Variants in ZNF532 observed in about 807,000 individuals in gnomAD.
ZNF532 encodes zinc finger protein 532.
A neutral mutation model predicts 89.3 loss-of-function variants in ZNF532; 22 were observed. The observed-to-expected ratio is 0.25, with a 90% confidence interval of 0.18 to 0.35. ZNF532 has a LOEUF of 0.35. ZNF532 is among the 10% of genes least tolerant of loss of function. ZNF532 has a pLI of 1.00. For synonymous variants in ZNF532, 606 were observed against 649.6 expected (o/e 0.93, Z 1.02); for missense variants, 1,132 against 1,643.4 (o/e 0.69, Z 5.38).
Position 58,936,658 on chromosome 18 carries a change from T to A in ZNF532, c.2528+2044T>A, listed in dbSNP as rs541230630. ...AAAATTTTGTGTTAAGTGTAGATTT[T>A]TTTCTCCCTGGACTTGAGGCTATAT... is the stretch of plus-strand genomic sequence containing the variant. On this transcript the variant is annotated intron_variant, in intron 4 of 9. Transcript: ENST00000591808. Among the ~76,000 whole-genome samples, 4 of 151,734 alleles carry A rather than the reference T, an allele frequency of 2.6e-5. No homozygotes were observed. The South Asian group carries it at 8.4e-4, about 32-fold the overall frequency.
chr18:58,981,107 G>A (rs1047315844), intron 8 of ZNF532: 6 of 218,798 alleles, frequency 2.7e-5, no homozygotes, highest in Non-Finnish European at 5.4e-5. Flanking sequence ...AGAATTTGGC[G>A]CTGGACACTC....
intron 3 of ZNF532, among the ~76,000 whole-genome samples, chr18:58,933,888 C>T (rs2062157895): frequency 6.6e-6 from 1 of 152,262 alleles, no homozygotes. Context: ...ATGGCCAGAT[C>T]ATCCATTTAA....
At chr18:58,972,165 T>G (rs1217244060) in intron 7 of ZNF532, among the ~76,000 whole-genome samples, 3 of 152,232 alleles carry the variant, frequency 2.0e-5, no homozygotes, top group Admixed American at 2.0e-4. Flanking sequence ...ATTGCACTAC[T>G]GCACTCCAGC....
intron 2 of ZNF532, among the ~76,000 whole-genome samples, chr18:58,917,240 G>A (rs1007106450): frequency 6.6e-6 from 1 of 152,206 alleles, no homozygotes; most frequent in African/African-American, 2.4e-5. Context: ...GAGTGACAGA[G>A]CTGGGTCCAG....
rs2062063371 is a variant in ZNF532 at position 58,932,755 on chromosome 18, T to C, written c.2347-1678T>C. On this transcript the variant is annotated intron_variant, in intron 3 of 9. Transcript: ENST00000591808. The stretch of plus-strand genomic sequence containing the variant: ...AATGAGATGATGTACTTCAATTTAC[T>C]TAATGTATTTAAAATACCTAGCTTA... Among the ~76,000 whole-genome samples, 3 of 152,170 alleles carry C rather than the reference T, an allele frequency of 2.0e-5. No homozygotes were observed. The East Asian group carries it at 5.8e-4, about 29-fold the overall frequency.
chr18:58,902,301 A>G (rs1480171148), intron 2 of ZNF532, among the ~76,000 whole-genome samples: 4 of 152,150 alleles, frequency 2.6e-5, no homozygotes, highest in Non-Finnish European at 5.9e-5. Context: ...TCTCAAAGTC[A>G]AAAGCAAGAG....
rs1426492870 is a variant in ZNF532, at chr18:58,939,821, G to A, written c.2705+200G>A. ...CCAGGTAAAGACCTTGTCCAAAAAC[G>A]TTACCTATTATTTATGCTCTTGTCA... On this transcript the variant is annotated intron_variant, in intron 5 of 9. Coordinates refer to ENST00000591808, the MANE Select transcript of ZNF532 (RefSeq NM_001375912.1). 5.2e-5 allele frequency: 22 copies of A among 421,594 alleles called. No individual in the cohort carries two copies. In the East Asian group the frequency reaches 6.6e-4, roughly 13 times the overall value. 26.1% of individuals were successfully genotyped at this position (421,594 alleles called of 1,614,324 possible). A position where few individuals can be genotyped will look rare whatever the true frequency, so the allele number is the denominator to read the frequency against.
intron 2 of ZNF532, among the ~76,000 whole-genome samples, chr18:58,895,857 C>CTTTTTTTT (rs145464064): frequency 6.9e-6 from 1 of 144,010 alleles, no homozygotes; most frequent in Non-Finnish European, 1.5e-5. Flanking sequence ...TTCTTTCTTT[C>CTTTTTTTT]TTTTTTTTTT....
intron 4 of ZNF532, among the ~76,000 whole-genome samples, chr18:58,936,216 A>T (rs2062457732): frequency 6.6e-6 from 1 of 152,168 alleles, no homozygotes; most frequent in African/African-American, 2.4e-5. Flanking sequence ...CTCCACTGGG[A>T]TGTTACTGAG....
Position 58,918,514 on chromosome 18 carries a change from G to A in ZNF532, c.227G>A (p.Gly76Asp). Residue 76 changes from glycine (G) to aspartate (D), a missense_variant, in exon 3 of 10, where the codon GGC (glycine) becomes GAC (aspartate). By Grantham distance (94) the Gly-to-Asp change is moderately conservative. Coordinates refer to ENST00000591808, the MANE Select transcript of ZNF532 (RefSeq NM_001375912.1). ...KNVRNIDSSE[G>D]GEKDGHNPTG... ...GTTCGGAACATTGACTCTTCCGAGG[G>A]CGGGGAGAAAGACGGCCACAACCCC... 2 of 1,614,184 alleles carry A rather than the reference G, an allele frequency of 1.2e-6. No homozygotes were observed. The highest frequency in any genetic ancestry group is 1.7e-6 in the Non-Finnish European group (2 of 1,180,048).
At chr18:58,888,783 AT>A (rs2058572828) in intron 2 of ZNF532, among the ~76,000 whole-genome samples, 4 of 54,476 alleles carry the variant, frequency 7.3e-5, no homozygotes, top group African/African-American at 2.1e-4. Context: ...TTATATATAT[AT>A]AAAATATATA....
At chr18:58,982,431 G>C (rs1201800542) in intron 9 of ZNF532, among the ~76,000 whole-genome samples, 17 of 152,094 alleles carry the variant, frequency 1.1e-4, no homozygotes, top group Non-Finnish European at 2.1e-4. Flanking sequence ...GACCAGCCTG[G>C]CCAACGTGGT....
chr18:58,931,360 G>A (rs536440635), intron 3 of ZNF532, among the ~76,000 whole-genome samples: 12 of 152,098 alleles, frequency 7.9e-5, no homozygotes, highest in Non-Finnish European at 1.5e-4. Context: ...AGATCCTTGT[G>A]TGCCCTCATG....
chr18:58,959,260 G>GTTTTTTGT (rs2065098207), intron 7 of ZNF532, among the ~76,000 whole-genome samples: 1 of 128,710 alleles, frequency 7.8e-6, no homozygotes, highest in African/African-American at 3.3e-5. Flanking sequence ...TTTGTTTTTT[G>GTTTTTTGT]TTTTTTTTTG....
chr18:58,934,618 A>T lies in ZNF532; in HGVS notation c.2528+4A>T. ...ACACGAGGAGAGTTGGTTTTCGGTCAGTATATCATTCACTTATGTGCAAGT... is the reference window on the plus strand; with the variant it reads ...ACACGAGGAGAGTTGGTTTTCGGTCTGTATATCATTCACTTATGTGCAAGT... On this transcript the variant is annotated splice_donor_region_variant and intron_variant, in intron 4 of 9. Coordinates refer to ENST00000591808, the MANE Select transcript of ZNF532 (RefSeq NM_001375912.1). The T allele has an allele frequency of 6.2e-7, 1 of 1,612,068 alleles. No homozygotes were observed. Among genetic ancestry groups the T allele is most frequent in the Non-Finnish European group, 8.5e-7 (1 of 1,178,956 alleles).
intron 7 of ZNF532, among the ~76,000 whole-genome samples, chr18:58,959,553 C>T (rs2065149089): frequency 6.6e-6 from 1 of 152,006 alleles, no homozygotes. Flanking sequence ...CACTCGGCCT[C>T]AAGATTCTTC....
chr18:58,910,364 A>G (rs931576248), intron 2 of ZNF532, among the ~76,000 whole-genome samples: 2 of 152,120 alleles, frequency 1.3e-5, no homozygotes, highest in Admixed American at 1.3e-4. Context: ...CATGTTATTC[A>G]TTTGTATGAA....
intron 2 of ZNF532, among the ~76,000 whole-genome samples, chr18:58,880,581 T>C (rs1027651729): frequency 6.6e-6 from 1 of 152,222 alleles, no homozygotes; most frequent in Admixed American, 6.5e-5. Flanking sequence ...ACAGTATGTC[T>C]AGCTTGCAGT....
chr18:58,929,244 G>T (rs748553018), intron 3 of ZNF532, among the ~76,000 whole-genome samples: 41 of 152,116 alleles, frequency 2.7e-4, no homozygotes, highest in Non-Finnish European at 5.9e-4. Flanking sequence ...GGTTACTTCC[G>T]AGTCACCTTC....
Sources: allele counts gnomAD v4.1 joint callset (sites outside exome capture counted in the v4.1 genomes callset), GRCh38; gene constraint gnomAD v4.1.1; transcripts MANE v1.5; gene names NCBI Gene and HGNC (gene_info 2026-07-23, HGNC 2026-07-21).